Variants in DTYMK observed in about 807,000 individuals in gnomAD.
The protein encoded by DTYMK is thymidylate kinase.
In DTYMK, 20 loss-of-function variants were observed where a neutral mutation model predicts 20.3. The observed-to-expected ratio is 0.99, with a 90% CI of 0.69 to 1.43. The LOEUF is 1.43. Ranked by LOEUF, DTYMK falls within the 40% of genes most tolerant of loss-of-function variation. The pLI is 0.00. For missense variants in DTYMK, 320 were observed against 291.1 expected (o/e 1.10, Z -0.72); for synonymous variants, 148 against 124.4 (o/e 1.19, Z -1.27).
chr2:241,675,953 G>C lies in DTYMK; in HGVS notation c.*174C>G. ...CACACTGCCAAGGTCCCCACCACGG[G>C]GGTCCCCAGTGCACCCCAGCTCCGG... On this transcript the variant is annotated 3_prime_UTR_variant, in exon 5 of 5. Transcript: ENST00000305784. The C allele has an allele frequency of 1.7e-6, 1 of 600,638 alleles. No individual in the cohort carries two copies. The highest frequency in any genetic ancestry group is 2.3e-5 in the South Asian group (1 of 43,842). The allele number at this position is 600,638 out of a possible 1,614,324, so 37.2% of individuals were successfully genotyped here.
intron 2 of DTYMK, among the ~76,000 whole-genome samples, chr2:241,684,427 T>C (rs56401031): frequency 7.2e-5 from 11 of 152,116 alleles, no homozygotes; most frequent in Admixed American, 4.6e-4. Flanking sequence ...CGGAGGAGAG[T>C]AATGCAGTGT....
rs1038373796 is a variant in DTYMK, at chr2:241,678,394, C to T, written c.528+58G>A. 1.3e-5 allele frequency: 21 copies of T among 1,604,872 alleles called. No individual in the cohort carries two copies. In the East Asian group the frequency reaches 1.3e-4, roughly 10 times the overall value. On this transcript the variant is annotated intron_variant, in intron 4 of 4. Coordinates refer to ENST00000305784, the MANE Select transcript of DTYMK (RefSeq NM_012145.4). ...GCTGACACAACTGTGCCAGCCACCA[C>T]GGTGTCATCCTGAGCCACTTCTCCA...
intron 2 of DTYMK, chr2:241,685,313 T>A (rs1479435907): frequency 6.5e-6 from 1 of 153,774 alleles, no homozygotes. Flanking sequence ...CTGGCCAACA[T>A]GGTGAAACCC....
Position 241,686,750 on chromosome 2 carries a change from C to T in DTYMK, c.34G>A (p.Glu12Lys), listed in dbSNP as rs774013958. ...CTCTTCCCGGCGCGGTCCACGCCCT[C>T]CAGCACTATGAGAGCCCCGCGCCGG... ...AARRGALIVLEGVDRAGKSTQ... is the reference protein window; with the variant it reads ...AARRGALIVLKGVDRAGKSTQ... Residue 12 changes from glutamate to lysine, a missense_variant, in exon 1 of 5, where the codon GAG becomes AAG. Transcript: ENST00000305784. The T allele has an allele frequency of 5.9e-6, 9 of 1,523,758 alleles. No homozygotes were observed. The highest frequency in any genetic ancestry group is 7.8e-6 in the Non-Finnish European group (9 of 1,150,574). 94.4% of individuals were successfully genotyped at this position (1,523,758 alleles called of 1,614,324 possible). A position where few individuals can be genotyped will look rare whatever the true frequency, so the allele number is the denominator to read the frequency against.
At chr2:241,685,333 T>A (rs1222178552) in intron 2 of DTYMK, 1 of 153,836 alleles carries the variant, frequency 6.5e-6, no homozygotes, top group East Asian at 1.9e-4. Context: ...CTGTCTCTAC[T>A]AAAAATACAA....
At chr2:241,677,864 C>A (rs1008255753) in intron 4 of DTYMK, among the ~76,000 whole-genome samples, 1 of 152,240 alleles carries the variant, frequency 6.6e-6, no homozygotes, top group Non-Finnish European at 1.5e-5. Flanking sequence ...GTGGCAGGAA[C>A]AGGCTGGCGC....
intron 4 of DTYMK, 45 bp from the exon 5 acceptor site, chr2:241,676,282 G>C: frequency 6.4e-7 from 1 of 1,560,482 alleles, no homozygotes; most frequent in East Asian, 2.3e-5. Flanking sequence ...TCATCAGCAC[G>C]TTCCAGGCTG....
chr2:241,682,827 G>GAATC (rs1443940100), intron 2 of DTYMK: 1 of 177,734 alleles, frequency 5.6e-6, no homozygotes, highest in Non-Finnish European at 1.2e-5. Flanking sequence ...GAGAGGCTGA[G>GAATC]GCAGGAGAAT....
At chr2:241,679,785 A>G (rs1216939360) in intron 3 of DTYMK, among the ~76,000 whole-genome samples, 1 of 152,058 alleles carries the variant, frequency 6.6e-6, no homozygotes, top group African/African-American at 2.4e-5. Context: ...CCTGGCCAAC[A>G]TGGTAAAACC....
At position 241,686,762 on chromosome 2, in the gene DTYMK, G is replaced by A. The variant is rs1378104864; in HGVS notation, c.22C>T (p.Leu8Phe). The A allele has an allele frequency of 8.8e-6, 13 of 1,479,612 alleles. No homozygotes were observed. The highest frequency in any genetic ancestry group is 1.5e-5 in the African/African-American group (1 of 68,434). The allele number at this position is 1,479,612 out of a possible 1,614,324, so 91.7% of individuals were successfully genotyped here. Residue 8 changes from leucine (L) to phenylalanine (F), a missense_variant, in exon 1 of 5, where the codon CTC becomes TTC. Physicochemically the swap from Leu to Phe is conservative, Grantham distance 22. Coordinates refer to ENST00000305784, the MANE Select transcript of DTYMK (RefSeq NM_012145.4). MAARRGA[L>F]IVLEGVDRAG... ...CGGTCCACGCCCTCCAGCACTATGA[G>A]AGCCCCGCGCCGGGCCGCCATGACT... is the stretch of plus-strand genomic sequence containing the variant.
chr2:241,678,002 G>A (rs931850361), intron 4 of DTYMK, among the ~76,000 whole-genome samples: 3 of 152,130 alleles, frequency 2.0e-5, no homozygotes, highest in Admixed American at 6.5e-5. Flanking sequence ...CTGGCCGGGC[G>A]CGATGGCTCA....
intron 3 of DTYMK, among the ~76,000 whole-genome samples, chr2:241,678,884 G>A (rs574471028): frequency 6.6e-6 from 1 of 152,296 alleles, no homozygotes; most frequent in African/African-American, 2.4e-5. Context: ...TAGAACGGCT[G>A]CCAGTCCCCG....
At chr2:241,677,838 C>T (rs1461756002) in intron 4 of DTYMK, among the ~76,000 whole-genome samples, 3 of 152,168 alleles carry the variant, frequency 2.0e-5, no homozygotes, top group Admixed American at 6.5e-5. Context: ...AGCGAGAGGC[C>T]GCACCAGAGG....
intron 4 of DTYMK, among the ~76,000 whole-genome samples, chr2:241,676,544 C>T (rs946156233): frequency 6.6e-6 from 1 of 152,254 alleles, no homozygotes; most frequent in Non-Finnish European, 1.5e-5. Flanking sequence ...ACCTGAACCT[C>T]CTGGCACACT....
At chr2:241,677,103 C>T (rs560780558) in intron 4 of DTYMK, among the ~76,000 whole-genome samples, 65 of 152,368 alleles carry the variant, frequency 4.3e-4, no homozygotes, top group African/African-American at 1.4e-3. Flanking sequence ...GGCATCTCAG[C>T]GGCATCCCGG....
intron 2 of DTYMK, chr2:241,685,205 A>AT (rs938103724): frequency 7.3e-6 from 1 of 136,624 alleles, no homozygotes; most frequent in African/African-American, 2.9e-5. Flanking sequence ...TGTCTTAAAA[A>AT]TAAAAAAAAA....
chr2:241,680,420 T>C, intron 2 of DTYMK, 101 bp from the exon 3 acceptor site: 1 of 1,294,216 alleles, frequency 7.7e-7, no homozygotes, highest in Non-Finnish European at 1.1e-6. Context: ...CTCACCCCTA[T>C]AATCCCAGCG....
intron 2 of DTYMK, chr2:241,682,232 T>C: frequency 2.2e-6 from 1 of 453,678 alleles, no homozygotes; most frequent in Admixed American, 2.4e-5. Flanking sequence ...TTGCAGCTAC[T>C]TGGGAGGCTG....
At chr2:241,677,265 C>T (rs1382455288) in intron 4 of DTYMK, among the ~76,000 whole-genome samples, 1 of 152,236 alleles carries the variant, frequency 6.6e-6, no homozygotes, top group Non-Finnish European at 1.5e-5. Context: ...TACACAAGGG[C>T]CACCTTCCCA....
Sources: gnomAD v4.1 joint callset for allele counts (sites outside exome capture counted in the v4.1 genomes callset) on GRCh38, gnomAD v4.1.1 for gene constraint, MANE v1.5 for transcripts, NCBI Gene and HGNC (gene_info 2026-07-23, HGNC 2026-07-21) for gene names.